The following XKR6 variants were observed in gnomAD, a reference collection of about 807,000 sequenced individuals.
The protein encoded by XKR6 is XK related 6, also known as XK-related protein 6.
XKR6 carries 22 observed loss-of-function variants against 56.7 expected under a neutral mutation model. The observed-to-expected ratio is 0.39, with a 90% CI of 0.28 to 0.55. XKR6 has a LOEUF of 0.55. XKR6 is among the 20% of genes least tolerant of loss of function. XKR6 has a pLI of 0.66. For missense variants in XKR6, 852 were observed against 889.0 expected (o/e 0.96, Z 0.53); for synonymous variants, 524 against 387.8 (o/e 1.35, Z -4.13).
intron 1 of XKR6, among the ~76,000 whole-genome samples, chr8:11,096,001 G>A (rs752116017): frequency 6.6e-6 from 1 of 152,110 alleles, no homozygotes. Context: ...ATAAAAACTT[G>A]ACAAATTTGA....
chr8:11,160,129 C>A (rs1343950986), intron 1 of XKR6, among the ~76,000 whole-genome samples: 1 of 152,086 alleles, frequency 6.6e-6, no homozygotes, highest in Non-Finnish European at 1.5e-5. Context: ...AACTGACACA[C>A]CATGCATTTA....
chr8:11,016,142 G>T (rs1322587337), intron 1 of XKR6, among the ~76,000 whole-genome samples: 2 of 152,204 alleles, frequency 1.3e-5, no homozygotes, highest in Non-Finnish European at 2.9e-5. Context: ...CACCGTGGGG[G>T]TGCAGCTCCC....
chr8:11,185,244 G>A (rs140798383), intron 1 of XKR6, among the ~76,000 whole-genome samples: 2 of 152,246 alleles, frequency 1.3e-5, no homozygotes, highest in African/African-American at 2.4e-5. Context: ...ATTATCTCAC[G>A]TTGCATTAAT....
At chr8:10,961,115 A>G (rs183259151) in intron 1 of XKR6, among the ~76,000 whole-genome samples, 1 of 152,246 alleles carries the variant, frequency 6.6e-6, no homozygotes, top group Admixed American at 6.5e-5. Context: ...TGAGGCAGAG[A>G]GAGGGTGGAG....
chr8:11,134,184 C>T lies in XKR6; in HGVS notation c.764+66392G>A, dbSNP rs536679946. ...ATGACACCTTCCTTGCCCACCCTTA[C>T]CTTCTCCTCTATGTCCCCAAACAAC... On this transcript the variant is annotated intron_variant, in intron 1 of 2. Coordinates refer to ENST00000416569, the MANE Select transcript of XKR6 (RefSeq NM_173683.4). 4.6e-5 allele frequency among the ~76,000 whole-genome samples: 7 copies of T among 152,256 alleles called. No homozygotes were observed. In the East Asian group the frequency reaches 1.4e-3, roughly 29 times the overall value.
intron 1 of XKR6, among the ~76,000 whole-genome samples, chr8:10,964,413 C>G (rs907571617): frequency 6.6e-6 from 1 of 152,194 alleles, no homozygotes; most frequent in African/African-American, 2.4e-5. Flanking sequence ...CTCCGAACCA[C>G]TCACAAGTGA....
At chr8:10,966,819 C>T (rs1437254468) in intron 1 of XKR6, among the ~76,000 whole-genome samples, 1 of 152,188 alleles carries the variant, frequency 6.6e-6, no homozygotes, top group Non-Finnish European at 1.5e-5. Flanking sequence ...GGCGCACTGA[C>T]GTCTGAGAAG....
At chr8:11,108,345 A>ACTAC (rs1437202460) in intron 1 of XKR6, 2 of 456,260 alleles carry the variant, frequency 4.4e-6, no homozygotes, top group East Asian at 1.4e-4. Context: ...ATTTCCAGTC[A>ACTAC]CTACTACAAT....
chr8:11,178,244 C>G (rs1242997911), intron 1 of XKR6, among the ~76,000 whole-genome samples: 1 of 152,150 alleles, frequency 6.6e-6, no homozygotes, highest in Non-Finnish European at 1.5e-5. Context: ...ACAAATCTGT[C>G]TACTCTAGAC....
At chr8:11,183,471 C>G (rs988112754) in intron 1 of XKR6, among the ~76,000 whole-genome samples, 17 of 151,418 alleles carry the variant, frequency 1.1e-4, no homozygotes, top group African/African-American at 4.1e-4. Context: ...GCCACCACAC[C>G]TGTCTAGTTT....
chr8:11,111,771 C>T (rs1798905959), intron 1 of XKR6: 1 of 152,082 alleles, frequency 6.6e-6, no homozygotes, highest in Non-Finnish European at 1.5e-5. Context: ...TCTACTGATT[C>T]ATCTAGTAAG....
intron 1 of XKR6, among the ~76,000 whole-genome samples, chr8:11,093,576 T>A (rs1395595996): frequency 2.6e-5 from 4 of 152,202 alleles, no homozygotes; most frequent in Non-Finnish European, 5.9e-5. Context: ...AACATGGTCC[T>A]TTTCTTCTTC....
chr8:11,003,416 T>C (rs891869022), intron 1 of XKR6, among the ~76,000 whole-genome samples: 1 of 152,060 alleles, frequency 6.6e-6, no homozygotes, highest in African/African-American at 2.4e-5. Flanking sequence ...ATTATCATAA[T>C]TATCATCAAC....
chr8:10,967,122 A>C (rs1802249176), intron 1 of XKR6, among the ~76,000 whole-genome samples: 1 of 152,214 alleles, frequency 6.6e-6, no homozygotes. Flanking sequence ...TCTGCATGAC[A>C]GTGCGTGATC....
intron 1 of XKR6, among the ~76,000 whole-genome samples, chr8:10,974,069 A>G (rs972062289): frequency 3.3e-5 from 5 of 152,160 alleles, no homozygotes; most frequent in African/African-American, 1.2e-4. Context: ...TAGTTCAAAT[A>G]TGTATTTTTC....
At chr8:11,098,205 ACTCT>A (rs79787300) in intron 1 of XKR6, among the ~76,000 whole-genome samples, 3,053 of 150,300 alleles carry the variant, frequency 0.02, 55 homozygotes, top group Admixed American at 0.029. Context: ...TCCCCAGGTG[ACTCT>A]CTCACACACA....
intron 1 of XKR6, among the ~76,000 whole-genome samples, chr8:11,180,932 G>GT (rs1243764986): frequency 2.0e-5 from 3 of 152,082 alleles, no homozygotes; most frequent in African/African-American, 4.8e-5. Flanking sequence ...ATAAAATGTT[G>GT]TAACAATTCA....
chr8:11,172,531 C>T (rs1294394217), intron 1 of XKR6, among the ~76,000 whole-genome samples: 2 of 152,228 alleles, frequency 1.3e-5, no homozygotes, highest in East Asian at 3.9e-4. Context: ...TCAATGATGG[C>T]TTCCCATGGA....
At chr8:11,068,939 C>G (rs1011690866) in intron 1 of XKR6, among the ~76,000 whole-genome samples, 1 of 152,240 alleles carries the variant, frequency 6.6e-6, no homozygotes, top group Non-Finnish European at 1.5e-5. Context: ...CTCCCATCTG[C>G]CCCTCCCCAG....
Sources: allele counts gnomAD v4.1 joint callset (sites outside exome capture counted in the v4.1 genomes callset), GRCh38; gene constraint gnomAD v4.1.1; transcripts MANE v1.5; gene names NCBI Gene and HGNC (gene_info 2026-07-23, HGNC 2026-07-21).